IGF1: variants seen among roughly 807,000 people sequenced by gnomAD.
The protein encoded by IGF1 is insulin-like growth factor 1.
IGF1 carries 4 observed loss-of-function variants against 13.8 expected under a neutral mutation model. The observed-to-expected ratio is 0.29, with a 90% CI of 0.14 to 0.66. The LOEUF (loss-of-function observed/expected upper bound fraction) is 0.66, where lower values mean the gene tolerates loss of function less well. Among genes scored for constraint, IGF1 ranks in the 30% least tolerant of loss-of-function variants. The pLI is 0.78. For synonymous variants in IGF1, 76 were observed against 72.6 expected, an observed-to-expected ratio of 1.05 and a Z score of -0.23; for missense variants, 124 against 188.5, an observed-to-expected ratio of 0.66 and a Z score of 2.00.
intron 2 of IGF1, among the ~76,000 whole-genome samples, chr12:102,420,257 T>A (rs528597541): frequency 6.5e-4 from 99 of 152,104 alleles, no homozygotes; most frequent in Non-Finnish European, 1.1e-3. Flanking sequence ...AGTCGTGGAG[T>A]CAAGATGCAA....
intron 2 of IGF1, among the ~76,000 whole-genome samples, chr12:102,452,460 G>C (rs1444510155): frequency 6.6e-6 from 1 of 152,040 alleles, no homozygotes; most frequent in African/African-American, 2.4e-5. Context: ...ATCTGTTATA[G>C]AGCCTGTCAT....
intron 2 of IGF1, among the ~76,000 whole-genome samples, chr12:102,445,658 A>G (rs1243276376): frequency 2.6e-5 from 4 of 152,138 alleles, no homozygotes; most frequent in Admixed American, 2.0e-4. Flanking sequence ...GGGTTTTCTA[A>G]ATATACAATC....
intron 3 of IGF1, among the ~76,000 whole-genome samples, chr12:102,407,870 C>G (rs944191470): frequency 1.3e-5 from 2 of 152,098 alleles, no homozygotes; most frequent in African/African-American, 2.4e-5. Flanking sequence ...GTATTATAAC[C>G]CCCTTTTTTT....
chr12:102,417,881 C>A (rs1352500380), intron 3 of IGF1: 1 of 1,613,890 alleles, frequency 6.2e-7, no homozygotes, highest in Non-Finnish European at 8.5e-7. Context: ...TCTGCTCTTT[C>A]TTCTTTCCTC....
At chr12:102,459,167 T>C (rs1879696602) in intron 2 of IGF1, among the ~76,000 whole-genome samples, 1 of 152,152 alleles carries the variant, frequency 6.6e-6, no homozygotes, top group Non-Finnish European at 1.5e-5. Context: ...TGGATACAAC[T>C]TACAGATTGC....
intron 2 of IGF1, among the ~76,000 whole-genome samples, chr12:102,470,935 G>A (rs777064909): frequency 6.6e-6 from 1 of 152,208 alleles, no homozygotes; most frequent in Non-Finnish European, 1.5e-5. Flanking sequence ...AGTCAGGAGA[G>A]TGAGAGAATG....
intron 2 of IGF1, among the ~76,000 whole-genome samples, chr12:102,438,876 A>C (rs772226846): frequency 6.6e-6 from 1 of 152,216 alleles, no homozygotes; most frequent in Non-Finnish European, 1.5e-5. Context: ...AATCCATCAA[A>C]GGCAGTACCA....
chr12:102,429,808 G>A lies in IGF1; in HGVS notation c.221-10118C>T, dbSNP rs186817216. 1.4e-3 allele frequency among the ~76,000 whole-genome samples: 210 copies of A among 152,196 alleles called. 1 individual carries two copies. Among genetic ancestry groups the A allele is most frequent in the African/African-American group, 4.8e-3 (201 of 41,530 alleles). Reference sequence around the variant, plus strand: ...TGAATGGCCACATCACTCTGCTTTGGGATCCACTCTGAGGCAATGGCCTTT... The same window carrying A: ...TGAATGGCCACATCACTCTGCTTTGAGATCCACTCTGAGGCAATGGCCTTT... On this transcript the variant is annotated intron_variant, in intron 2 of 3. Transcript: ENST00000337514.
At chr12:102,480,978 G>T (rs182007309), upstream of IGF1, among the ~76,000 whole-genome samples, 1,048 of 152,260 alleles carry the variant, frequency 6.9e-3, 6 homozygotes, top group Middle Eastern at 0.014. Context: ...AAGAAAGGAC[G>T]ATAAGACCCT....
intron 2 of IGF1, among the ~76,000 whole-genome samples, chr12:102,427,519 C>A (rs1359063210): frequency 2.6e-5 from 4 of 152,186 alleles, no homozygotes; most frequent in African/African-American, 9.7e-5. Context: ...CCTCTGTTCT[C>A]AGGGGCCCTG....
intron 3 of IGF1, among the ~76,000 whole-genome samples, chr12:102,403,997 C>T (rs1417138853): frequency 2.0e-5 from 3 of 152,080 alleles, no homozygotes; most frequent in Non-Finnish European, 4.4e-5. Context: ...TTACTTTATC[C>T]TTGAATGTAT....
chr12:102,459,363 T>G, intron 2 of IGF1, among the ~76,000 whole-genome samples: 1 of 152,134 alleles, frequency 6.6e-6, no homozygotes, highest in Non-Finnish European at 1.5e-5. Context: ...ATCTCATGGG[T>G]GGGACGGCTG....
chr12:102,418,742 T>C (rs1370591755), intron 3 of IGF1, among the ~76,000 whole-genome samples: 1 of 152,222 alleles, frequency 6.6e-6, no homozygotes, highest in Admixed American at 6.5e-5. Context: ...GAGAAATCGA[T>C]CAAGTGACTA....
At chr12:102,414,283 T>G (rs890189934) in intron 3 of IGF1, among the ~76,000 whole-genome samples, 3 of 152,004 alleles carry the variant, frequency 2.0e-5, no homozygotes, top group Non-Finnish European at 2.9e-5. Context: ...TTGCCCCTAT[T>G]TAACAGATGA....
intron 3 of IGF1, among the ~76,000 whole-genome samples, chr12:102,406,371 A>G (rs1874156198): frequency 6.6e-6 from 1 of 152,228 alleles, no homozygotes; most frequent in African/African-American, 2.4e-5. Flanking sequence ...TTGAAGAGTT[A>G]TGAAACTGTC....
chr12:102,461,341 T>C (rs1200814726), intron 2 of IGF1, among the ~76,000 whole-genome samples: 1 of 152,178 alleles, frequency 6.6e-6, no homozygotes, highest in Non-Finnish European at 1.5e-5. Context: ...TGTATCTCTT[T>C]GAAAAGCAGT....
intron 3 of IGF1, among the ~76,000 whole-genome samples, chr12:102,403,271 C>A (rs1873838806): frequency 6.6e-6 from 1 of 152,088 alleles, no homozygotes; most frequent in Admixed American, 6.6e-5. Flanking sequence ...AAAGTACTTA[C>A]AATAGACCTG....
chr12:102,452,473 A>G (rs1317597573), intron 2 of IGF1, among the ~76,000 whole-genome samples: 3 of 152,152 alleles, frequency 2.0e-5, no homozygotes, highest in Non-Finnish European at 4.4e-5. Context: ...CCTGTCATAA[A>G]ATAGATGCTC....
intron 2 of IGF1, among the ~76,000 whole-genome samples, chr12:102,423,485 G>T (rs1875928937): frequency 6.6e-6 from 1 of 152,052 alleles, no homozygotes; most frequent in Non-Finnish European, 1.5e-5. Flanking sequence ...TGCTTCAAAG[G>T]TTTCATAGCA....
Sources: allele counts gnomAD v4.1 joint callset (sites outside exome capture counted in the v4.1 genomes callset), GRCh38; gene constraint gnomAD v4.1.1; transcripts MANE v1.5; gene names NCBI Gene and HGNC (gene_info 2026-07-23, HGNC 2026-07-21).